The following BRAF variants were observed in gnomAD, a reference collection of about 807,000 sequenced individuals.
BRAF encodes the protein B-Raf proto-oncogene, serine/threonine kinase.
Under a neutral mutation model 104.6 loss-of-function variants are expected in BRAF, and 16 were observed. The observed-to-expected ratio is 0.15, with a 90% CI of 0.10 to 0.23. The LOEUF (loss-of-function observed/expected upper bound fraction) is 0.23. Among genes scored for constraint, BRAF ranks in the 10% least tolerant of loss-of-function variants. The pLI is 1.00. For missense variants in BRAF, 541 were observed against 937.3 expected, an observed-to-expected ratio of 0.58 and a Z score of 5.52; for synonymous variants, 310 against 341.6, an observed-to-expected ratio of 0.91 and a Z score of 1.02.
At chr7:140,887,672 T>C (rs1421578180) in intron 1 of BRAF, among the ~76,000 whole-genome samples, 1 of 152,158 alleles carries the variant, frequency 6.6e-6, no homozygotes, top group Non-Finnish European at 1.5e-5. Flanking sequence ...GGCTACATTA[T>C]TTAGTTAATG....
At chr7:140,853,794 T>A (rs1809462468) in intron 1 of BRAF, among the ~76,000 whole-genome samples, 1 of 152,208 alleles carries the variant, frequency 6.6e-6, no homozygotes, top group Non-Finnish European at 1.5e-5. Flanking sequence ...GTAGCATATG[T>A]GACCACCTTA....
chr7:140,913,546 G>A (rs922722065), intron 1 of BRAF, among the ~76,000 whole-genome samples: 12 of 136,032 alleles, frequency 8.8e-5, no homozygotes, highest in Non-Finnish European at 1.2e-4. Flanking sequence ...GCAGTGGCGC[G>A]ATCTTGGCTC....
intron 5 of BRAF, among the ~76,000 whole-genome samples, chr7:140,802,440 G>A (rs1399193092): frequency 1.3e-5 from 2 of 151,820 alleles, no homozygotes; most frequent in Non-Finnish European, 2.9e-5. Context: ...GGGACCACAG[G>A]CACATGCCAC....
At chr7:140,843,213 T>A (rs556756176) in intron 2 of BRAF, among the ~76,000 whole-genome samples, 13 of 152,190 alleles carry the variant, frequency 8.5e-5, no homozygotes, top group Non-Finnish European at 1.9e-4. Context: ...GGAAGAGTTA[T>A]AGAGGATTTT....
intron 2 of BRAF, among the ~76,000 whole-genome samples, chr7:140,839,246 TGGA>T (rs1279529867): frequency 6.6e-6 from 1 of 152,136 alleles, no homozygotes; most frequent in Non-Finnish European, 1.5e-5. Flanking sequence ...AGGTCAACGC[TGGA>T]GGATCACTCG....
rs2130818053 is a variant in BRAF at position 140,721,007 on chromosome 7, T to A, written c.*5487A>T. 1 of 1,063,432 alleles carries A rather than the reference T, an allele frequency of 9.4e-7. No individual in the cohort carries two copies. Among genetic ancestry groups the A allele is most frequent in the East Asian group, 5.0e-5 (1 of 19,832 alleles). 65.9% of individuals were successfully genotyped at this position (1,063,432 alleles called of 1,614,324 possible). A position where few individuals can be genotyped will look rare whatever the true frequency, so the allele number is the denominator to read the frequency against. On this transcript the variant is annotated 3_prime_UTR_variant, in exon 20 of 20. Coordinates refer to ENST00000644969, the MANE Select transcript of BRAF (RefSeq NM_001374258.1). ...GAGAAGCAGATGGTTTGTACAAACA[T>A]TTTTTGATACTACCATGAATAAACA...
chr7:140,719,072 C>G (rs77409535), downstream of BRAF, among the ~76,000 whole-genome samples: 4,917 of 152,276 alleles, frequency 0.032, 254 homozygotes, highest in African/African-American at 0.11. Context: ...TACATCAGGT[C>G]ACAACATCTC....
intron 1 of BRAF, among the ~76,000 whole-genome samples, chr7:140,909,640 G>A (rs1376300834): frequency 6.6e-6 from 1 of 152,032 alleles, no homozygotes; most frequent in Non-Finnish European, 1.5e-5. Flanking sequence ...TTTCTAAAGG[G>A]GTGGAGTACT....
chr7:140,789,381 G>C (rs1030597349), intron 8 of BRAF, among the ~76,000 whole-genome samples: 1 of 152,062 alleles, frequency 6.6e-6, no homozygotes, highest in Non-Finnish European at 1.5e-5. Context: ...AAATATCTCT[G>C]AATAGTCTCT....
chr7:140,822,391 T>C (rs1805584780), intron 3 of BRAF: 1 of 152,222 alleles, frequency 6.6e-6, no homozygotes, highest in African/African-American at 2.4e-5. Flanking sequence ...ATAATGAACA[T>C]ACCCATCACT....
In BRAF at chr7:140,734,814, GAAAAAA is replaced by G. The variant is rs535630330; in HGVS notation, c.2248-50_2248-45del. 2.4e-5 allele frequency: 26 copies of G among 1,065,046 alleles called. No individual in the cohort carries two copies. The South Asian group carries it at 2.6e-4, about 11-fold the overall frequency. The allele number at this position is 1,065,046 out of a possible 1,614,324, so 66.0% of individuals were successfully genotyped here. On this transcript the variant is annotated intron_variant, in intron 18 of 19. Transcript: ENST00000644969. ...AAAAAAAAGAAAAAAAAAGAAAAAA[GAAAAAA>G]AAAGAAAGAAAGAAAAAGAAAAAAC...
Position 140,794,305 on chromosome 7 carries a change from T to C in BRAF, c.1140+3A>G. ...TTTAGTTCTAGCAATGCTGGATACT[T>C]ACATCAATATTGACAGGTTCTATTG... On this transcript the variant is annotated splice_donor_region_variant and intron_variant, in intron 8 of 19. Transcript: ENST00000644969. The C allele has an allele frequency of 2.5e-6, 4 of 1,613,968 alleles. No homozygotes were observed. Among genetic ancestry groups the C allele is most frequent in the Non-Finnish European group, 3.4e-6 (4 of 1,179,996 alleles).
chr7:140,870,871 TAA>T (rs369012646), intron 1 of BRAF, among the ~76,000 whole-genome samples: 3,956 of 125,018 alleles, frequency 0.032, 181 homozygotes, highest in African/African-American at 0.1. Flanking sequence ...TTTTCTTACT[TAA>T]AAAAAAAAAA....
intron 1 of BRAF, among the ~76,000 whole-genome samples, chr7:140,895,955 G>T (rs754973179): frequency 6.6e-6 from 1 of 152,122 alleles, no homozygotes; most frequent in Non-Finnish European, 1.5e-5. Flanking sequence ...GGGATTGCTA[G>T]ATCACAGGAA....
At chr7:140,822,710 C>A (rs1026371250) in intron 3 of BRAF, among the ~76,000 whole-genome samples, 1 of 152,178 alleles carries the variant, frequency 6.6e-6, no homozygotes, top group Non-Finnish European at 1.5e-5. Flanking sequence ...CAGTTTGGGG[C>A]TATGACAAAG....
intron 1 of BRAF, among the ~76,000 whole-genome samples, chr7:140,882,507 A>T (rs971819335): frequency 6.6e-6 from 1 of 151,566 alleles, no homozygotes; most frequent in Non-Finnish European, 1.5e-5. Context: ...CCACCCAAGT[A>T]GCTGGGACTA....
intron 1 of BRAF, among the ~76,000 whole-genome samples, chr7:140,911,998 C>T (rs1450250005): frequency 6.6e-6 from 1 of 152,166 alleles, no homozygotes; most frequent in African/African-American, 2.4e-5. Context: ...GTCTAGACAA[C>T]TCATAAAATA....
intron 16 of BRAF, among the ~76,000 whole-genome samples, chr7:140,749,952 ATG>A (rs1158000044): frequency 6.6e-6 from 1 of 152,232 alleles, no homozygotes; most frequent in Non-Finnish European, 1.5e-5. Context: ...GAATAAGCAT[ATG>A]GTATAAACAT....
intron 3 of BRAF, among the ~76,000 whole-genome samples, chr7:140,825,882 A>C (rs1372324432): frequency 6.6e-6 from 1 of 152,140 alleles, no homozygotes; most frequent in Non-Finnish European, 1.5e-5. Context: ...CTGGATTCAA[A>C]TTGTTTGTCC....
Sources: allele counts gnomAD v4.1 joint callset (sites outside exome capture counted in the v4.1 genomes callset), GRCh38; gene constraint gnomAD v4.1.1; transcripts MANE v1.5; gene names NCBI Gene and HGNC (gene_info 2026-07-23, HGNC 2026-07-21).